Variants in HTR2A observed in about 807,000 individuals in gnomAD.
The protein encoded by HTR2A is 5-hydroxytryptamine receptor 2A, also known as 5-HT2 receptor.
HTR2A carries 14 observed loss-of-function variants against 31.0 expected under a neutral mutation model. That is an observed-to-expected ratio of 0.45 (90% confidence interval 0.30 to 0.71). The LOEUF (loss-of-function observed/expected upper bound fraction) is 0.71. Ranked by LOEUF, HTR2A falls within the 30% of genes least tolerant of loss-of-function variation. The pLI, the probability that HTR2A is intolerant of heterozygous loss-of-function variation, is 0.09. For missense variants in HTR2A, 442 were observed against 573.3 expected, an observed-to-expected ratio of 0.77 and a Z score of 2.34; for synonymous variants, 209 against 225.2, an observed-to-expected ratio of 0.93 and a Z score of 0.64.
intron 3 of HTR2A, among the ~76,000 whole-genome samples, chr13:46,869,759 A>G (rs76508886): frequency 6.6e-6 from 1 of 152,292 alleles, no homozygotes; most frequent in East Asian, 1.9e-4. Flanking sequence ...TATGTACTAT[A>G]CTACAGACCC....
At chr13:46,868,906 T>C (rs1272233021) in intron 3 of HTR2A, among the ~76,000 whole-genome samples, 2 of 152,208 alleles carry the variant, frequency 1.3e-5, no homozygotes, top group Non-Finnish European at 2.9e-5. Flanking sequence ...TGAAAATCTT[T>C]TAAAATTCCC....
In HTR2A at chr13:46,833,719, A is replaced by C. The variant is rs1876332594; in HGVS notation, c.*1118T>G. ...TGTTTTAATTATTTTTATATTTCTCATATCTAGAAATTTGCTTCACACATA... is the reference window on the plus strand; with the variant it reads ...TGTTTTAATTATTTTTATATTTCTCCTATCTAGAAATTTGCTTCACACATA... On this transcript the variant is annotated 3_prime_UTR_variant, in exon 4 of 4. Coordinates refer to ENST00000542664, the MANE Select transcript of HTR2A (RefSeq NM_000621.5). 6.6e-6 allele frequency: 1 copy of C among 152,124 alleles called. No homozygotes were observed. The highest frequency in any genetic ancestry group is 2.1e-4 in the South Asian group (1 of 4,826). The allele number at this position is 152,124 out of a possible 1,614,324, so 9.4% of individuals were successfully genotyped here.
intron 3 of HTR2A, chr13:46,852,024 A>G (rs941131230): frequency 6.6e-6 from 1 of 152,254 alleles, no homozygotes; most frequent in Non-Finnish European, 1.5e-5. Flanking sequence ...AAAGTGATTC[A>G]ATAAGAGCAG....
intron 3 of HTR2A, among the ~76,000 whole-genome samples, chr13:46,886,133 C>T (rs1951004627): frequency 6.6e-6 from 1 of 152,076 alleles, no homozygotes; most frequent in African/African-American, 2.4e-5. Context: ...TCTATTCTGC[C>T]ACTAGGTTAT....
intron 3 of HTR2A, among the ~76,000 whole-genome samples, chr13:46,863,630 G>GAAAAAAAAAAAAAAA (rs59693757): frequency 3.2e-4 from 19 of 59,256 alleles, no homozygotes; most frequent in African/African-American, 6.2e-4. Context: ...CCCTCAAAAT[G>GAAAAAAAAAAAAAAA]AAAAAAAAAA....
intron 3 of HTR2A, among the ~76,000 whole-genome samples, chr13:46,841,331 A>G (rs1343795064): frequency 6.6e-6 from 1 of 152,108 alleles, no homozygotes; most frequent in African/African-American, 2.4e-5. Context: ...TTGTTTTTGC[A>G]TTCTTTCATC....
chr13:46,889,099 G>A (rs1326309601), intron 3 of HTR2A, among the ~76,000 whole-genome samples: 2 of 152,060 alleles, frequency 1.3e-5, no homozygotes, highest in African/African-American at 4.8e-5. Context: ...AACTTTATAT[G>A]CTGCTTACAG....
At chr13:46,892,909 G>A (rs913662772) in intron 2 of HTR2A, among the ~76,000 whole-genome samples, 1 of 152,058 alleles carries the variant, frequency 6.6e-6, no homozygotes, top group Non-Finnish European at 1.5e-5. Flanking sequence ...TTTGTTAATG[G>A]CTTATGTCAA....
At chr13:46,866,864 T>TA (rs1463033585) in intron 3 of HTR2A, among the ~76,000 whole-genome samples, 1 of 152,116 alleles carries the variant, frequency 6.6e-6, no homozygotes, top group Non-Finnish European at 1.5e-5. Flanking sequence ...TATTCTCTAC[T>TA]AAAAATACAA....
intron 3 of HTR2A, among the ~76,000 whole-genome samples, chr13:46,864,274 C>T (rs932943560): frequency 6.6e-6 from 1 of 151,930 alleles, no homozygotes; most frequent in Admixed American, 6.6e-5. Context: ...GGAAGTTAGA[C>T]GATCAGGAAA....
intron 3 of HTR2A, chr13:46,853,794 T>A (rs2138203393): frequency 6.6e-6 from 1 of 152,390 alleles, no homozygotes; most frequent in African/African-American, 2.4e-5. Context: ...AACATCTTAG[T>A]TTTACAGTTG....
At chr13:46,880,781 G>C (rs1201639897) in intron 3 of HTR2A, among the ~76,000 whole-genome samples, 1 of 152,138 alleles carries the variant, frequency 6.6e-6, no homozygotes, top group African/African-American at 2.4e-5. Flanking sequence ...AGAGGTTGCG[G>C]TGAGCCAAAA....
At chr13:46,837,321 G>C (rs1950569370) in intron 3 of HTR2A, among the ~76,000 whole-genome samples, 1 of 152,142 alleles carries the variant, frequency 6.6e-6, no homozygotes, top group South Asian at 2.1e-4. Flanking sequence ...GCAATCATGA[G>C]ATGGCTTATT....
rs185088193 is a variant in HTR2A, at chr13:46,876,955, A to C, written c.613+15435T>G. ...AGGAAAATGGGTTCCTATTACATTC[A>C]TTTTAAATAAGTGAGCTTATTGGAA... On this transcript the variant is annotated intron_variant, in intron 3 of 3. Transcript: ENST00000542664. Among the ~76,000 whole-genome samples the C allele has an allele frequency of 2.2e-4, 33 of 152,284 alleles. 1 individual carries two copies. The South Asian group carries it at 2.7e-3, about 12-fold the overall frequency.
chr13:46,888,773 T>C (rs998567430), intron 3 of HTR2A, among the ~76,000 whole-genome samples: 5 of 152,192 alleles, frequency 3.3e-5, no homozygotes, highest in Non-Finnish European at 5.9e-5. Flanking sequence ...TAGATGGAGC[T>C]AAAAGGTTCT....
At chr13:46,859,804 G>A (rs752262363) in intron 3 of HTR2A, among the ~76,000 whole-genome samples, 9 of 152,016 alleles carry the variant, frequency 5.9e-5, no homozygotes, top group African/African-American at 1.2e-4. Context: ...ATTTCTTTAC[G>A]GCAATGCAAG....
At chr13:46,891,864 A>C (rs1410405130) in intron 3 of HTR2A, among the ~76,000 whole-genome samples, 1 of 152,212 alleles carries the variant, frequency 6.6e-6, no homozygotes, top group African/African-American at 2.4e-5. Flanking sequence ...GTATCATAAA[A>C]GGAGGAAGGT....
chr13:46,877,314 T>C (rs1003035556), intron 3 of HTR2A, among the ~76,000 whole-genome samples: 2 of 152,118 alleles, frequency 1.3e-5, no homozygotes, highest in Admixed American at 6.6e-5. Flanking sequence ...ACCAACTTGA[T>C]TGGGGAGAAA....
chr13:46,847,755 G>A (rs1165131495), intron 3 of HTR2A, among the ~76,000 whole-genome samples: 1 of 152,092 alleles, frequency 6.6e-6, no homozygotes, highest in Non-Finnish European at 1.5e-5. Flanking sequence ...TTTGTTTTGG[G>A]TCCTAAATCC....
Sources: allele counts gnomAD v4.1 joint callset (sites outside exome capture counted in the v4.1 genomes callset), GRCh38; gene constraint gnomAD v4.1.1; transcripts MANE v1.5; gene names NCBI Gene and HGNC (gene_info 2026-07-23, HGNC 2026-07-21).